GRM5: variants seen among roughly 807,000 people sequenced by gnomAD.
The protein encoded by GRM5 is glutamate metabotropic receptor 5.
Under a neutral mutation model 83.1 loss-of-function variants are expected in GRM5, and 19 were observed. That is an observed-to-expected ratio of 0.23 (90% confidence interval 0.16 to 0.34). GRM5 has a LOEUF of 0.34. GRM5 is among the 10% of genes least tolerant of loss of function. The probability of loss-of-function intolerance (pLI) is 1.00; values close to 1 mark genes in which losing one functional copy is unlikely to be tolerated. For missense variants in GRM5, 1,160 were observed against 1,588.3 expected, an observed-to-expected ratio of 0.73 and a Z score of 4.58; for synonymous variants, 675 against 633.6, an observed-to-expected ratio of 1.07 and a Z score of -0.98.
At chr11:88,930,688 C>T (rs628913) in intron 2 of GRM5, among the ~76,000 whole-genome samples, 74,301 of 151,784 alleles carry the variant, frequency 0.49, 19,841 homozygotes, top group South Asian at 0.66. Context: ...GCTGGGATTA[C>T]AGGCATCCGC....
At chr11:88,612,303 T>C (rs960285367) in intron 4 of GRM5, among the ~76,000 whole-genome samples, 3 of 150,548 alleles carry the variant, frequency 2.0e-5, no homozygotes, top group African/African-American at 7.4e-5. Context: ...GAACCCATCA[T>C]TTTTTATGGC....
At chr11:89,023,877 AT>A (rs1565340043) in intron 2 of GRM5, among the ~76,000 whole-genome samples, 5 of 149,198 alleles carry the variant, frequency 3.4e-5, no homozygotes, top group African/African-American at 4.9e-5. Flanking sequence ...AAATAAATAA[AT>A]AAATAAATAA....
At chr11:88,556,252 A>C (rs1168868013) in intron 8 of GRM5, among the ~76,000 whole-genome samples, 2 of 152,026 alleles carry the variant, frequency 1.3e-5, no homozygotes, top group Non-Finnish European at 2.9e-5. Flanking sequence ...GGGTCATGAG[A>C]TGACCCCAGG....
At chr11:88,651,559 A>G (rs1939632419) in intron 4 of GRM5, among the ~76,000 whole-genome samples, 1 of 152,116 alleles carries the variant, frequency 6.6e-6, no homozygotes, top group Admixed American at 6.6e-5. Context: ...TTAAAATATG[A>G]CATTAGCTAC....
chr11:89,052,235 A>C (rs1448255560), intron 1 of GRM5, among the ~76,000 whole-genome samples: 2 of 152,140 alleles, frequency 1.3e-5, no homozygotes, highest in African/African-American at 4.8e-5. Flanking sequence ...TAGACATGCA[A>C]ATTGAGGGTC....
intron 3 of GRM5, among the ~76,000 whole-genome samples, chr11:88,783,209 T>C (rs1280525382): frequency 6.6e-6 from 1 of 152,266 alleles, no homozygotes; most frequent in African/African-American, 2.4e-5. Context: ...ACAGTAATTT[T>C]GGGACATCTT....
chr11:88,849,069 G>A (rs1194871010), intron 3 of GRM5, among the ~76,000 whole-genome samples: 1 of 151,744 alleles, frequency 6.6e-6, no homozygotes, highest in African/African-American at 2.4e-5. Context: ...CTTTGGACTT[G>A]GATTGAAACT....
chr11:88,835,061 C>T (rs993054042), intron 3 of GRM5, among the ~76,000 whole-genome samples: 1 of 151,892 alleles, frequency 6.6e-6, no homozygotes, highest in East Asian at 1.9e-4. Flanking sequence ...TAAACCTTTA[C>T]CCACACTTTC....
intron 3 of GRM5, among the ~76,000 whole-genome samples, chr11:88,798,754 TGAGTCAAA>T (rs1359156221): frequency 7.4e-6 from 1 of 134,906 alleles, no homozygotes; most frequent in Non-Finnish European, 1.5e-5. Context: ...TCCCTGACAC[TGAGTCAAA>T]GTCATGAGTG....
chr11:88,851,072 T>A (rs1944382524), intron 2 of GRM5, among the ~76,000 whole-genome samples: 1 of 152,120 alleles, frequency 6.6e-6, no homozygotes, highest in Admixed American at 6.6e-5. Context: ...GCTGAACTCA[T>A]TCACAGATCT....
chr11:88,556,784 G>A (rs750185835), intron 8 of GRM5, among the ~76,000 whole-genome samples: 8 of 151,998 alleles, frequency 5.3e-5, no homozygotes, highest in South Asian at 2.1e-4. Flanking sequence ...GCATGTCTTC[G>A]CTGACAAGGC....
intron 2 of GRM5, among the ~76,000 whole-genome samples, chr11:88,865,777 C>T (rs1332981371): frequency 6.6e-6 from 1 of 151,958 alleles, no homozygotes; most frequent in East Asian, 1.9e-4. Context: ...CAAAAGAAGA[C>T]ATTTATGCAG....
At chr11:88,591,634 G>T (rs1055971603) in intron 6 of GRM5, among the ~76,000 whole-genome samples, 1 of 152,184 alleles carries the variant, frequency 6.6e-6, no homozygotes, top group Non-Finnish European at 1.5e-5. Context: ...GCTAACTCTA[G>T]TAATGACCTT....
intron 2 of GRM5, among the ~76,000 whole-genome samples, chr11:89,011,596 TCAA>T (rs1210437353): frequency 1.3e-5 from 2 of 152,200 alleles, no homozygotes; most frequent in Admixed American, 1.3e-4. Flanking sequence ...TAGTGGCATC[TCAA>T]CACTGATTAC....
chr11:88,629,276 C>T (rs980963892), intron 4 of GRM5, among the ~76,000 whole-genome samples: 1 of 152,134 alleles, frequency 6.6e-6, no homozygotes, highest in South Asian at 2.1e-4. Flanking sequence ...CATGGCAGGG[C>T]TATGCTCAGT....
At chr11:88,904,778 G>T (rs760713118) in intron 2 of GRM5, among the ~76,000 whole-genome samples, 1 of 151,886 alleles carries the variant, frequency 6.6e-6, no homozygotes, top group African/African-American at 2.4e-5. Flanking sequence ...TTTCAAATAA[G>T]GTCATATTCA....
At chr11:88,564,104 G>A (rs1465339988) in intron 8 of GRM5, among the ~76,000 whole-genome samples, 1 of 152,146 alleles carries the variant, frequency 6.6e-6, no homozygotes, top group Non-Finnish European at 1.5e-5. Context: ...GTTCTAGCTT[G>A]AATATGCCAG....
chr11:88,965,742 G>T (rs1382695227), intron 2 of GRM5, among the ~76,000 whole-genome samples: 7 of 152,078 alleles, frequency 4.6e-5, no homozygotes, highest in Non-Finnish European at 7.4e-5. Context: ...AGCAACATAT[G>T]TAAATACATA....
At chr11:88,770,327 A>G (rs563503777) in intron 3 of GRM5, among the ~76,000 whole-genome samples, 1 of 152,124 alleles carries the variant, frequency 6.6e-6, no homozygotes, top group Non-Finnish European at 1.5e-5. Flanking sequence ...GGACTTCTTA[A>G]TAAATATTCT....
Sources: gnomAD v4.1 joint callset for allele counts (sites outside exome capture counted in the v4.1 genomes callset) on GRCh38, gnomAD v4.1.1 for gene constraint, MANE v1.5 for transcripts, NCBI Gene and HGNC (gene_info 2026-07-23, HGNC 2026-07-21) for gene names.